GUF1: variants seen among roughly 807,000 people sequenced by gnomAD.
GUF1 encodes GTP binding elongation factor GUF1.
A neutral mutation model predicts 82.4 loss-of-function variants in GUF1; 78 were observed. That is an observed-to-expected ratio of 0.95 (90% CI 0.79 to 1.14). The LOEUF is 1.14. Among genes scored for constraint, GUF1 ranks in the 50% most tolerant of loss-of-function variants. The pLI, the probability that GUF1 is intolerant of heterozygous loss-of-function variation, is 0.00. For synonymous variants in GUF1, 279 were observed against 282.3 expected (o/e 0.99, Z 0.12); for missense variants, 814 against 798.2 (o/e 1.02, Z -0.24).
rs1056822200 is a variant in GUF1, at chr4:44,700,718, T to C, written c.*2037T>C. On this transcript the variant is annotated 3_prime_UTR_variant, in exon 17 of 17. Transcript: ENST00000281543. The stretch of plus-strand genomic sequence containing the variant: ...CTCAGATATTTTGAGCTTACAGTTA[T>C]TGTGAAATCATTTTAATTATAAATT... 1.3e-5 allele frequency: 2 copies of C among 152,348 alleles called. No homozygotes were observed. Among genetic ancestry groups the C allele is most frequent in the African/African-American group, 2.4e-5 (1 of 41,586 alleles). The allele number at this position is 152,348 out of a possible 1,614,324, so 9.4% of individuals were successfully genotyped here.
Position 44,690,818 on chromosome 4 carries a change from C to T in GUF1, c.1437C>T (p.Ile479=). 2 of 1,605,150 alleles carry T rather than the reference C, an allele frequency of 1.2e-6. No homozygotes were observed. The highest frequency in any genetic ancestry group is 1.7e-4 in the Middle Eastern group (1 of 6,030). The change falls in exon 12 of 17, where the codon ATC becomes ATT. Residue 479 remains isoleucine, a synonymous_variant. Transcript: ENST00000281543. ...AGCCAGTTGTTTTGGGCACTATTAT[C>T]ACACCAGATGAATACACTGGAAAAA... The part of the protein sequence containing the change: ...YLEPVVLGTI[I]TPDEYTGKIM...
intron 6 of GUF1, among the ~76,000 whole-genome samples, chr4:44,684,522 G>T (rs913549440): frequency 6.6e-6 from 1 of 152,026 alleles, no homozygotes; most frequent in Non-Finnish European, 1.5e-5. Context: ...TAAAGCAAGA[G>T]AAACAAATTA....
At chr4:44,680,016 T>C (rs888452185) in intron 1 of GUF1, among the ~76,000 whole-genome samples, 5 of 152,190 alleles carry the variant, frequency 3.3e-5, no homozygotes, top group African/African-American at 1.2e-4. Context: ...GACACAGATT[T>C]TTAAATAAAT....
chr4:44,686,059 A>ATTTAATAGTTCAAAAACTGTCCATG, intron 7 of GUF1, 36 bp downstream of exon 7: 1 of 1,382,174 alleles, frequency 7.2e-7, no homozygotes, highest in Non-Finnish European at 1.0e-6. Context: ...AGTTGTCTCT[A>ATTTAATAGTTCAAAAACTGTCCATG]TTTAATAGTT....
At chr4:44,679,012 C>G (rs1290338060) in intron 1 of GUF1, among the ~76,000 whole-genome samples, 6 of 152,184 alleles carry the variant, frequency 3.9e-5, no homozygotes, top group African/African-American at 1.4e-4. Flanking sequence ...TTCTCATTTT[C>G]AATGTCAAAT....
At chr4:44,687,434 C>T (rs977093521) in intron 8 of GUF1, among the ~76,000 whole-genome samples, 2 of 151,750 alleles carry the variant, frequency 1.3e-5, no homozygotes, top group Non-Finnish European at 2.9e-5. Context: ...GCCATATATA[C>T]CAAACATTAT....
chr4:44,700,921 TAA>T lies in GUF1; in HGVS notation c.*2243_*2244del, dbSNP rs1716200783. On this transcript the variant is annotated 3_prime_UTR_variant, in exon 17 of 17. Coordinates refer to ENST00000281543, the MANE Select transcript of GUF1 (RefSeq NM_021927.3). Reference sequence around the variant, plus strand: ...GACAGTATTTGAAATTAAAAAATTGTAAAAGTGTTCTGTTCTATCACTGCCAA... The same window carrying T: ...GACAGTATTTGAAATTAAAAAATTGTAAGTGTTCTGTTCTATCACTGCCAA... 6.6e-6 allele frequency: 1 copy of T among 152,218 alleles called. No individual in the cohort carries two copies. The highest frequency in any genetic ancestry group is 2.4e-5 in the African/African-American group (1 of 41,464). The allele number at this position is 152,218 out of a possible 1,614,324, so 9.4% of individuals were successfully genotyped here.
Position 44,681,232 on chromosome 4 carries a change from A to C in GUF1, c.507+29A>C, listed in dbSNP as rs770534046. The C allele has an allele frequency of 2.3e-5, 34 of 1,451,818 alleles. 1 individual carries two copies. The South Asian group carries it at 3.9e-4, about 17-fold the overall frequency. 89.9% of individuals were successfully genotyped at this position (1,451,818 alleles called of 1,614,324 possible). A position where few individuals can be genotyped will look rare whatever the true frequency, so the allele number is the denominator to read the frequency against. On this transcript the variant is annotated intron_variant, in intron 4 of 16. Coordinates refer to ENST00000281543, the MANE Select transcript of GUF1 (RefSeq NM_021927.3). The stretch of plus-strand genomic sequence containing the variant: ...GGTATTTTTCATTTTGTATGATGTG[A>C]TATGACATGACTATTTGGTTGTTTC...
chr4:44,689,760 A>G, intron 10 of GUF1, 83 bp from the exon 11 acceptor site: 2 of 1,165,112 alleles, frequency 1.7e-6, no homozygotes, highest in Non-Finnish European at 1.2e-6. Flanking sequence ...CCCTCCCTTA[A>G]AGTAACAATA....
Position 44,698,748 on chromosome 4 carries a change from A to G in GUF1, c.*67A>G. On this transcript the variant is annotated 3_prime_UTR_variant, in exon 17 of 17. Coordinates refer to ENST00000281543, the MANE Select transcript of GUF1 (RefSeq NM_021927.3). ...GCTGACAACAGAAAGAAAATTATAA[A>G]ATTTGCTTGTTACTTTCAGGGTATT... The G allele has an allele frequency of 1.4e-6, 2 of 1,443,232 alleles. No individual in the cohort carries two copies. Among genetic ancestry groups the G allele is most frequent in the Non-Finnish European group, 1.9e-6 (2 of 1,064,448 alleles). The allele number at this position is 1,443,232 out of a possible 1,614,324, so 89.4% of individuals were successfully genotyped here.
intron 13 of GUF1, among the ~76,000 whole-genome samples, chr4:44,693,666 T>C (rs1445840248): frequency 6.6e-6 from 1 of 152,136 alleles, no homozygotes; most frequent in Non-Finnish European, 1.5e-5. Context: ...AGTATACATA[T>C]TCTTGTCTGT....
intron 11 of GUF1, 51 bp from the exon 12 acceptor site, chr4:44,690,666 G>T (rs1715377047): frequency 6.5e-6 from 7 of 1,076,642 alleles, no homozygotes; most frequent in Admixed American, 2.3e-5. Context: ...CAAGAAAAAT[G>T]ATAATCATTA....
rs369481194 is a variant in GUF1 at position 44,691,639 on chromosome 4, A to C, written c.1480-27A>C. The C allele has an allele frequency of 1.0e-5, 16 of 1,567,432 alleles. No homozygotes were observed. The African/African-American group carries it at 2.2e-4, about 21-fold the overall frequency. ...TCAGTATTTGAGTAGGTTATCATTA[A>C]ACCCATTTTCTTCCTTCCCTTTTTA... is the stretch of plus-strand genomic sequence containing the variant. On this transcript the variant is annotated intron_variant, in intron 12 of 16. Transcript: ENST00000281543.
At chr4:44,700,926 GTGTTC>G (rs963549832) in exon 17 of GUF1, 63 of 152,142 alleles carry the variant, frequency 4.1e-4, no homozygotes, top group Admixed American at 2.9e-3. Context: ...AATTGTAAAA[GTGTTC>G]TGTTCTATCA....
At chr4:44,686,060 T>C (rs757829538) in intron 7 of GUF1, 37 bp downstream of exon 7, 1 of 1,379,082 alleles carries the variant, frequency 7.3e-7, no homozygotes, top group Non-Finnish European at 1.0e-6. Context: ...GTTGTCTCTA[T>C]TTAATAGTTC....
chr4:44,690,929 G>A lies in GUF1; in HGVS notation c.1479+69G>A. 6 of 1,173,324 alleles carry A rather than the reference G, an allele frequency of 5.1e-6. No individual in the cohort carries two copies. The South Asian group carries it at 8.9e-5, about 17-fold the overall frequency. 72.7% of individuals were successfully genotyped at this position (1,173,324 alleles called of 1,614,324 possible). ...TCTGAAATAGTGATTTCCAACTCAG[G>A]TTTTAAAAGATTTCTTTCTGCTGAG... On this transcript the variant is annotated intron_variant, in intron 12 of 16. Transcript: ENST00000281543.
rs760577130 is a variant in GUF1 at position 44,683,361 on chromosome 4, C to G, written c.669+43C>G. 6 of 1,140,504 alleles carry G rather than the reference C, an allele frequency of 5.3e-6. No individual in the cohort carries two copies. The South Asian group carries it at 8.9e-5, about 17-fold the overall frequency. 70.6% of individuals were successfully genotyped at this position (1,140,504 alleles called of 1,614,324 possible). ...AAAGATTATACTTTGAAAAAAGTCT[C>G]AAGTAATTGGGCTAAGTGAAATTTC... On this transcript the variant is annotated intron_variant, in intron 6 of 16. Transcript: ENST00000281543.
In GUF1 at chr4:44,683,232, AAGAT is replaced by A. The variant is rs753182797; in HGVS notation, c.588_591del (p.Asp197Ter). 2 of 1,543,334 alleles carry A rather than the reference AAGAT, an allele frequency of 1.3e-6. No individual in the cohort carries two copies. The highest frequency in any genetic ancestry group is 2.1e-5 in the Admixed American group (1 of 48,566). On this transcript the variant is annotated splice_acceptor_variant and coding_sequence_variant, in exon 6 of 17. Coordinates refer to ENST00000281543, the MANE Select transcript of GUF1 (RefSeq NM_021927.3). LOFTEE classifies it high-confidence loss of function. ...TTCACATAATGGATTTTTTTTTTTA[AAGAT>A]AGATCTGAAGAATGCTGATCCTGAA...
At position 44,700,237 on chromosome 4, in the gene GUF1, A is replaced by G. The variant is rs1197988493; in HGVS notation, c.*1556A>G. The G allele has an allele frequency of 6.6e-6, 1 of 152,202 alleles. No homozygotes were observed. The highest frequency in any genetic ancestry group is 1.5e-5 in the Non-Finnish European group (1 of 68,032). 9.4% of individuals were successfully genotyped at this position (152,202 alleles called of 1,614,324 possible). A position where few individuals can be genotyped will look rare whatever the true frequency, so the allele number is the denominator to read the frequency against. ...CAAACCTGCCTCCCATTTTATTCCTAAATAAGACAGCCACAAAGATAAAAT... is the reference window on the plus strand; with the variant it reads ...CAAACCTGCCTCCCATTTTATTCCTGAATAAGACAGCCACAAAGATAAAAT... On this transcript the variant is annotated 3_prime_UTR_variant, in exon 17 of 17. Coordinates refer to ENST00000281543, the MANE Select transcript of GUF1 (RefSeq NM_021927.3).
Sources: allele counts gnomAD v4.1 joint callset (sites outside exome capture counted in the v4.1 genomes callset), GRCh38; gene constraint gnomAD v4.1.1; transcripts MANE v1.5; gene names NCBI Gene and HGNC (gene_info 2026-07-23, HGNC 2026-07-21).